The following ZNF670 variants were observed in gnomAD, a reference collection of about 807,000 sequenced individuals.
The protein encoded by ZNF670 is zinc finger protein 670.
ZNF670 carries 7 observed loss-of-function variants against 10.9 expected under a neutral mutation model. That is an observed-to-expected ratio of 0.64 (90% confidence interval 0.36 to 1.20). ZNF670 has a LOEUF of 1.20. Among genes scored for constraint, ZNF670 ranks in the 50% most tolerant of loss-of-function variants. ZNF670 has a pLI of 0.02. For missense variants in ZNF670, 446 were observed against 458.6 expected (o/e 0.97, Z 0.25); for synonymous variants, 136 against 152.7 (o/e 0.89, Z 0.81).
chr1:247,078,797 G>C lies in ZNF670; in HGVS notation c.-201C>G, dbSNP rs1343076110. 3.3e-6 allele frequency: 2 copies of C among 600,200 alleles called. No homozygotes were observed. The highest frequency in any genetic ancestry group is 5.9e-6 in the Non-Finnish European group (2 of 340,868). 37.2% of individuals were successfully genotyped at this position (600,200 alleles called of 1,614,324 possible). A position where few individuals can be genotyped will look rare whatever the true frequency, so the allele number is the denominator to read the frequency against. ...CCCGGAAGCTGCTCCCTCCTTTCGCGGCGCGCTTGAGAGTACAGTCCCCTT... is the reference window on the plus strand; with the variant it reads ...CCCGGAAGCTGCTCCCTCCTTTCGCCGCGCGCTTGAGAGTACAGTCCCCTT... On this transcript the variant is annotated 5_prime_UTR_variant, in exon 1 of 4. Coordinates refer to ENST00000366503, the MANE Select transcript of ZNF670 (RefSeq NM_033213.5).
chr1:247,068,971 AAATC>A (rs1671055148), intron 1 of ZNF670, among the ~76,000 whole-genome samples: 2 of 150,902 alleles, frequency 1.3e-5, no homozygotes, highest in Admixed American at 1.3e-4. Flanking sequence ...TGGGATATAA[AAATC>A]AAAACAACTG....
At chr1:247,046,051 A>C (rs575373642) in intron 1 of ZNF670, among the ~76,000 whole-genome samples, 1 of 152,336 alleles carries the variant, frequency 6.6e-6, no homozygotes, top group East Asian at 1.9e-4. Context: ...CTAAGCAGCA[A>C]AGGATTCAAG....
intron 1 of ZNF670, among the ~76,000 whole-genome samples, chr1:247,069,705 A>C (rs751529312): frequency 3.3e-5 from 5 of 152,230 alleles, no homozygotes; most frequent in Non-Finnish European, 7.3e-5. Context: ...CATGGGTGGA[A>C]CTAGAAGTCA....
intron 1 of ZNF670, among the ~76,000 whole-genome samples, chr1:247,059,292 A>T (rs1274375473): frequency 6.6e-6 from 1 of 151,760 alleles, no homozygotes; most frequent in Non-Finnish European, 1.5e-5. Context: ...ATACAAAAAA[A>T]AAAATTAGCC....
intron 1 of ZNF670, chr1:247,044,098 T>G (rs55920007): frequency 0.026 from 4,338 of 169,400 alleles, 76 homozygotes; most frequent in African/African-American, 0.035. Context: ...CAAGAGCCAT[T>G]TAACAAATAC....
At chr1:247,046,128 A>G (rs192010864) in intron 1 of ZNF670, among the ~76,000 whole-genome samples, 50 of 152,348 alleles carry the variant, frequency 3.3e-4, no homozygotes, top group African/African-American at 1.2e-3. Context: ...TGATTAAAAG[A>G]GAAGCAGAGC....
chr1:247,059,983 A>T (rs956629837), intron 1 of ZNF670, among the ~76,000 whole-genome samples: 2 of 152,214 alleles, frequency 1.3e-5, no homozygotes, highest in Non-Finnish European at 2.9e-5. Context: ...AGAAAAAAAG[A>T]TCTGAATAAA....
At chr1:247,050,423 T>C (rs76750072) in intron 1 of ZNF670, among the ~76,000 whole-genome samples, 1,990 of 152,206 alleles carry the variant, frequency 0.013, 42 homozygotes, top group African/African-American at 0.046. Context: ...TGAGTCCTTA[T>C]GTGTCAGGTG....
intron 1 of ZNF670, among the ~76,000 whole-genome samples, chr1:247,046,191 G>C (rs945436849): frequency 6.6e-6 from 1 of 152,208 alleles, no homozygotes; most frequent in Non-Finnish European, 1.5e-5. Flanking sequence ...GGGAATCCAA[G>C]CAGCCTGTGG....
At chr1:247,061,321 C>T (rs750040896) in intron 1 of ZNF670, among the ~76,000 whole-genome samples, 4 of 151,810 alleles carry the variant, frequency 2.6e-5, no homozygotes, top group Non-Finnish European at 5.9e-5. Flanking sequence ...GCTGGGATTA[C>T]AGGCACCCGC....
chr1:247,045,962 A>G (rs1670436050), intron 1 of ZNF670, among the ~76,000 whole-genome samples: 1 of 152,210 alleles, frequency 6.6e-6, no homozygotes, highest in Non-Finnish European at 1.5e-5. Context: ...ACTTGGCTGC[A>G]TTGTGTCCAA....
In ZNF670 at chr1:247,037,055, GAAAC is replaced by G. The variant is rs1670171980; in HGVS notation, c.*390_*393del. 1 of 160,678 alleles carries G rather than the reference GAAAC, an allele frequency of 6.2e-6. No homozygotes were observed. The highest frequency in any genetic ancestry group is 2.4e-5 in the African/African-American group (1 of 41,746). 10.0% of individuals were successfully genotyped at this position (160,678 alleles called of 1,614,324 possible). On this transcript the variant is annotated 3_prime_UTR_variant, in exon 4 of 4. Transcript: ENST00000366503. ...AGACAAAAATTATGTTAACTGATGA[GAAAC>G]AAAACACAGCCTATTAAGCTCATGT...
chr1:247,037,606 C>A lies in ZNF670; in HGVS notation c.1013G>T (p.Gly338Val). Residue 338 changes from glycine (G) to valine (V), a missense_variant, in exon 4 of 4, where the codon GGA becomes GTA. Physicochemically the swap from Gly to Val is moderately radical, Grantham distance 109. Coordinates refer to ENST00000366503, the MANE Select transcript of ZNF670 (RefSeq NM_033213.5). ...ERTHTGVKPY[G>V]CKECGKSFTS... ...AAACGACTTACCACATTCCTTACAT[C>A]CATAAGGTTTCACTCCAGTGTGAGT... 1 of 1,613,742 alleles carries A rather than the reference C, an allele frequency of 6.2e-7. No homozygotes were observed. The highest frequency in any genetic ancestry group is 8.5e-7 in the Non-Finnish European group (1 of 1,179,946).
In ZNF670 at chr1:247,038,471, T is replaced by C. The variant is rs1670221640; in HGVS notation, c.192-44A>G. 3 of 1,541,014 alleles carry C rather than the reference T, an allele frequency of 1.9e-6. 1 individual carries two copies. The South Asian group carries it at 3.8e-5, about 19-fold the overall frequency. ...TCATTAATGGTACATTTATTCATGG[T>C]TTACATTGCTACTAATACCATGGAA... On this transcript the variant is annotated intron_variant, in intron 3 of 3. Transcript: ENST00000366503.
chr1:247,078,756 A>C lies in ZNF670; in HGVS notation c.-160T>G. Reference sequence around the variant, plus strand: ...TCGCCACATTCGCGCTGCCCAACACAAAAGCCGCGCCAGGTCCCGGAAGCT... The same window carrying C: ...TCGCCACATTCGCGCTGCCCAACACCAAAGCCGCGCCAGGTCCCGGAAGCT... On this transcript the variant is annotated 5_prime_UTR_variant, in exon 1 of 4. Transcript: ENST00000366503. 5 of 738,292 alleles carry C rather than the reference A, an allele frequency of 6.8e-6. No homozygotes were observed. The highest frequency in any genetic ancestry group is 1.1e-5 in the Non-Finnish European group (5 of 455,406). 45.7% of individuals were successfully genotyped at this position (738,292 alleles called of 1,614,324 possible).
At position 247,060,922 on chromosome 1, in the gene ZNF670, G is replaced by A. The variant is rs543486802; in HGVS notation, c.3+17672C>T. Among the ~76,000 whole-genome samples, 10 of 152,194 alleles carry A rather than the reference G, an allele frequency of 6.6e-5. No individual in the cohort carries two copies. The South Asian group carries it at 2.1e-3, about 32-fold the overall frequency. ...GAAGGTTTCTTCCAAGTATTCATCT[G>A]GTTGTCATTATGTGGACATTTCCTT... On this transcript the variant is annotated intron_variant, in intron 1 of 3. Coordinates refer to ENST00000366503, the MANE Select transcript of ZNF670 (RefSeq NM_033213.5).
intron 1 of ZNF670, among the ~76,000 whole-genome samples, chr1:247,075,381 A>G (rs2103074815): frequency 6.6e-6 from 1 of 152,318 alleles, no homozygotes; most frequent in Non-Finnish European, 1.5e-5. Context: ...TTGCTTGTGG[A>G]AATGTATTCA....
At chr1:247,038,895 T>G in intron 2 of ZNF670, 25 bp from the exon 3 acceptor site, 1 of 1,584,472 alleles carries the variant, frequency 6.3e-7, no homozygotes, top group South Asian at 1.1e-5. Context: ...CATAAGATTA[T>G]TCAAATGATT....
chr1:247,043,210 T>C, intron 1 of ZNF670: 1 of 708,940 alleles, frequency 1.4e-6, no homozygotes, highest in Non-Finnish European at 2.6e-6. Context: ...GCCATACGCA[T>C]CACTAACACA....
Sources: allele counts gnomAD v4.1 joint callset (sites outside exome capture counted in the v4.1 genomes callset), GRCh38; gene constraint gnomAD v4.1.1; transcripts MANE v1.5; gene names NCBI Gene and HGNC (gene_info 2026-07-23, HGNC 2026-07-21).